TBATA: variants seen among roughly 807,000 people sequenced by gnomAD.
TBATA encodes protein TBATA.
TBATA carries 47 observed loss-of-function variants against 38.7 expected under a neutral mutation model. The observed-to-expected ratio is 1.21, with a 90% confidence interval of 0.96 to 1.55. The LOEUF (loss-of-function observed/expected upper bound fraction) is 1.55. Among genes scored for constraint, TBATA ranks in the 40% most tolerant of loss-of-function variants. The pLI is 0.00. For synonymous variants in TBATA, 183 were observed against 170.5 expected (o/e 1.07, Z -0.57); for missense variants, 436 against 435.6 (o/e 1.00, Z -0.01).
intron 5 of TBATA, among the ~76,000 whole-genome samples, chr10:70,779,347 T>G (rs4747100): frequency 0.29 from 44,713 of 152,112 alleles, 6,637 homozygotes; most frequent in Middle Eastern, 0.36. Context: ...GCCCTCTGTG[T>G]GTTATTACTC....
chr10:70,773,468 C>CCCG (rs1554826515), intron 9 of TBATA, among the ~76,000 whole-genome samples: 4 of 151,538 alleles, frequency 2.6e-5, no homozygotes, highest in Admixed American at 2.0e-4. Context: ...AATACAGGCC[C>CCCG]CCCCGGCTTC....
Position 70,774,106 on chromosome 10 carries a change from A to C in TBATA, c.920+107T>G. On this transcript the variant is annotated intron_variant, in intron 9 of 10. Transcript: ENST00000456372. ...GGGCCTCTGCCTCCAGGACAGACTTAGTCAGCCCAGACCCTGGTCAGCGCC... is the reference window on the plus strand; with the variant it reads ...GGGCCTCTGCCTCCAGGACAGACTTCGTCAGCCCAGACCCTGGTCAGCGCC... 3 of 1,446,182 alleles carry C rather than the reference A, an allele frequency of 2.1e-6. No individual in the cohort carries two copies. The Admixed American group carries it at 6.3e-5, about 31-fold the overall frequency. The allele number at this position is 1,446,182 out of a possible 1,614,324, so 89.6% of individuals were successfully genotyped here.
chr10:70,774,895 T>C (rs1843194462), intron 8 of TBATA, among the ~76,000 whole-genome samples: 1 of 152,100 alleles, frequency 6.6e-6, no homozygotes, highest in Admixed American at 6.5e-5. Context: ...GTCTGCTAAG[T>C]TCAGTCTTTG....
chr10:70,776,488 C>G, intron 7 of TBATA: 1 of 447,338 alleles, frequency 2.2e-6, no homozygotes, highest in South Asian at 1.6e-5. Context: ...CCATCCGTGG[C>G]ATGGAGGTGC....
chr10:70,783,145 G>T (rs1442550053), intron 3 of TBATA, among the ~76,000 whole-genome samples, 194 bp downstream of exon 3: 1 of 152,228 alleles, frequency 6.6e-6, no homozygotes, highest in Non-Finnish European at 1.5e-5. Flanking sequence ...CCCAGGAGGG[G>T]CAAAGCCCAC....
rs202040509 is a variant in TBATA, at chr10:70,772,523, C to T, written c.964G>A (p.Glu322Lys). ...CTACTTGGAATCTTACCTGGTTTTT[C>T]GCTTTTTGTAAAAGGTGATATCTTC... ...KTKISPFTKS[E>K]KPEYIGEAQV... The change falls in exon 10 of 11, where the codon GAA (glutamate) becomes AAA (lysine). Residue 322 changes from glutamate to lysine, a missense_variant. Transcript: ENST00000456372. 1.5e-4 allele frequency: 248 copies of T among 1,614,060 alleles called. No homozygotes were observed. Among genetic ancestry groups the T allele is most frequent in the Non-Finnish European group, 1.7e-4 (201 of 1,180,026 alleles).
rs1354273007 is a variant in TBATA at position 70,784,627 on chromosome 10, G to A, written c.-147+20C>T. On this transcript the variant is annotated intron_variant, in intron 2 of 10. Transcript: ENST00000456372. ...CTGAGGTCACACAGAAGGAACCAGA[G>A]CCCGGGCAGTCTGACTCACAGTTTG... 1 of 152,158 alleles carries A rather than the reference G, an allele frequency of 6.6e-6. No homozygotes were observed. Among genetic ancestry groups the A allele is most frequent in the Non-Finnish European group, 1.5e-5 (1 of 68,046 alleles). 9.4% of individuals were successfully genotyped at this position (152,158 alleles called of 1,614,324 possible). A position where few individuals can be genotyped will look rare whatever the true frequency, so the allele number is the denominator to read the frequency against.
At position 70,774,332 on chromosome 10, in the gene TBATA, C is replaced by T; in HGVS notation, c.801G>A (p.Leu267=). Residue 267 remains leucine (L), a synonymous_variant, in exon 9 of 11, where the codon CTG becomes CTA. Coordinates refer to ENST00000456372, the MANE Select transcript of TBATA (RefSeq NM_001318241.2). ...PKEKDLALGL[L]QTAVAQLLPQ... ...GAAGGAGCTGAGCCACTGCTGTCTG[C>T]AGGAGTCCCAGAGCGAGGTCTTTTT... is the stretch of plus-strand genomic sequence containing the variant. The T allele has an allele frequency of 6.2e-7, 1 of 1,602,100 alleles. No homozygotes were observed. The highest frequency in any genetic ancestry group is 2.2e-5 in the East Asian group (1 of 44,532).
At position 70,783,637 on chromosome 10, in the gene TBATA, C is replaced by CT; in HGVS notation, c.-146-113dup. ...AATTCTTATAGATGTACAACAGGGG[C>CT]TACTTATAAGAATATTCATACAAAC... On this transcript the variant is annotated intron_variant, in intron 2 of 10. Transcript: ENST00000456372. 7.1e-6 allele frequency: 3 copies of CT among 423,064 alleles called. No individual in the cohort carries two copies. The South Asian group carries it at 7.9e-5, about 11-fold the overall frequency. The allele number at this position is 423,064 out of a possible 1,614,324, so 26.2% of individuals were successfully genotyped here.
intron 2 of TBATA, among the ~76,000 whole-genome samples, chr10:70,784,433 T>C (rs1458704219): frequency 6.6e-6 from 1 of 152,170 alleles, no homozygotes; most frequent in African/African-American, 2.4e-5. Context: ...TATATATATC[T>C]AGCCAAAGTG....
At position 70,783,458 on chromosome 10, in the gene TBATA, A is replaced by G. The variant is rs1844515824; in HGVS notation, c.-79T>C. The G allele has an allele frequency of 6.5e-7, 1 of 1,528,966 alleles. No homozygotes were observed. The highest frequency in any genetic ancestry group is 9.0e-7 in the Non-Finnish European group (1 of 1,106,440). The allele number at this position is 1,528,966 out of a possible 1,614,324, so 94.7% of individuals were successfully genotyped here. A position where few individuals can be genotyped will look rare whatever the true frequency, so the allele number is the denominator to read the frequency against. On this transcript the variant is annotated 5_prime_UTR_variant, in exon 3 of 11. Coordinates refer to ENST00000456372, the MANE Select transcript of TBATA (RefSeq NM_001318241.2). ...TGCAGAACAGGAACTCTCACTTAATACTAGTGTTGAGGATGCAGAACAGGA... is the reference window on the plus strand; with the variant it reads ...TGCAGAACAGGAACTCTCACTTAATGCTAGTGTTGAGGATGCAGAACAGGA...
At chr10:70,778,419 A>T in intron 6 of TBATA, 138 bp downstream of exon 6, 2 of 871,018 alleles carry the variant, frequency 2.3e-6, no homozygotes, top group South Asian at 2.8e-5. Context: ...CCTCACTGTG[A>T]CCTTTCCCCT....
intron 7 of TBATA, chr10:70,776,427 G>A (rs1354632613): frequency 1.5e-5 from 7 of 456,242 alleles, no homozygotes; most frequent in Admixed American, 2.3e-5. Flanking sequence ...ATGCTGCTCC[G>A]TCTCAGGGGA....
intron 5 of TBATA, 58 bp from the exon 6 acceptor site, chr10:70,778,694 G>A: frequency 6.8e-7 from 1 of 1,463,620 alleles, no homozygotes. Context: ...TCCCCTCCCT[G>A]TGCCACCAGG....
At chr10:70,777,731 C>T (rs1843611631) in intron 6 of TBATA, 1 of 401,684 alleles carries the variant, frequency 2.5e-6, no homozygotes, top group African/African-American at 2.1e-5. Flanking sequence ...GATTTGAAAA[C>T]AGCATCCTGC....
At chr10:70,782,175 C>A in intron 3 of TBATA, 139 bp from the exon 4 acceptor site, 1 of 1,235,332 alleles carries the variant, frequency 8.1e-7, no homozygotes. Flanking sequence ...ACCACCACCC[C>A]CATAGCACCA....
Position 70,774,235 on chromosome 10 carries a change from C to T in TBATA, c.898G>A (p.Glu300Lys), listed in dbSNP as rs1235765122. Residue 300 changes from glutamate (E) to lysine (K), a missense_variant, in exon 9 of 11, where the codon GAG (glutamate) becomes AAG (lysine). Coordinates refer to ENST00000456372, the MANE Select transcript of TBATA (RefSeq NM_001318241.2). ...QLPEVHEPPQ[E>K]KQEPPCSQSP... Reference sequence around the variant, plus strand: ...CACCTGCAGGGTGGCTCTTGCTTCTCTTGAGGAGGTTCATGCACTTCTGGA... The same window carrying T: ...CACCTGCAGGGTGGCTCTTGCTTCTTTTGAGGAGGTTCATGCACTTCTGGA... The T allele has an allele frequency of 6.2e-7, 1 of 1,612,348 alleles. No individual in the cohort carries two copies.
chr10:70,782,479 T>C (rs1257265729), intron 3 of TBATA: 2 of 1,289,608 alleles, frequency 1.6e-6, no homozygotes, highest in East Asian at 1.1e-4. Context: ...CTATAGGCTG[T>C]CATCCTCCCC....
chr10:70,774,343 G>T lies in TBATA; in HGVS notation c.790C>A (p.Leu264Met). 6.3e-7 allele frequency: 1 copy of T among 1,597,712 alleles called. No homozygotes were observed. Among genetic ancestry groups the T allele is most frequent in the African/African-American group, 1.3e-5 (1 of 75,002 alleles). Residue 264 changes from leucine (L) to methionine (M), a missense_variant, in exon 9 of 11, where the codon CTG (leucine) becomes ATG (methionine). Leu to Met is a conservative substitution (Grantham distance 15). Transcript: ENST00000456372. Reference sequence around the variant, plus strand: ...GCCACTGCTGTCTGCAGGAGTCCCAGAGCGAGGTCTTTTTCTGAAAGCACA... The same window carrying T: ...GCCACTGCTGTCTGCAGGAGTCCCATAGCGAGGTCTTTTTCTGAAAGCACA... ...YAPPKEKDLA[L>M]GLLQTAVAQL...
Sources: allele counts gnomAD v4.1 joint callset (sites outside exome capture counted in the v4.1 genomes callset), GRCh38; gene constraint gnomAD v4.1.1; transcripts MANE v1.5; gene names NCBI Gene and HGNC (gene_info 2026-07-23, HGNC 2026-07-21).